SLC8A1: variants seen among roughly 807,000 people sequenced by gnomAD.
SLC8A1 encodes solute carrier family 8 member A1.
SLC8A1 carries 18 observed loss-of-function variants against 68.3 expected under a neutral mutation model. The observed-to-expected ratio is 0.26, with a 90% CI of 0.18 to 0.39. SLC8A1 has a LOEUF of 0.39. Among genes scored for constraint, SLC8A1 ranks in the 10% least tolerant of loss-of-function variants. The pLI is 1.00. For synonymous variants in SLC8A1, 475 were observed against 415.5 expected, an observed-to-expected ratio of 1.14 and a Z score of -1.74; for missense variants, 985 against 1,156.7, an observed-to-expected ratio of 0.85 and a Z score of 2.15.
At chr2:40,181,905 T>C (rs369553000) in intron 2 of SLC8A1, among the ~76,000 whole-genome samples, 79 of 152,348 alleles carry the variant, frequency 5.2e-4, no homozygotes, top group African/African-American at 1.7e-3. Flanking sequence ...CAGGGGATAG[T>C]ATGGGGTTGG....
chr2:40,245,578 A>G (rs966086138), intron 2 of SLC8A1, among the ~76,000 whole-genome samples: 1 of 152,178 alleles, frequency 6.6e-6, no homozygotes, highest in African/African-American at 2.4e-5. Context: ...AATAACTAGT[A>G]ATATACAAGA....
upstream of SLC8A1, chr2:40,453,346 G>A (rs1327458915): frequency 6.6e-6 from 1 of 152,226 alleles, no homozygotes; most frequent in Non-Finnish European, 1.5e-5. Flanking sequence ...GGAGAAGGAG[G>A]GACCTGCAGA....
chr2:40,192,485 C>G (rs1353387596), intron 2 of SLC8A1, among the ~76,000 whole-genome samples: 1 of 151,976 alleles, frequency 6.6e-6, no homozygotes, highest in African/African-American at 2.4e-5. Flanking sequence ...TGAATTTTAA[C>G]ATTTATATTA....
chr2:40,280,235 C>T (rs1382316960), intron 2 of SLC8A1, among the ~76,000 whole-genome samples: 4 of 97,290 alleles, frequency 4.1e-5, no homozygotes, highest in Admixed American at 1.3e-4. Context: ...ATGATAAAAC[C>T]TGAGGAAATA....
chr2:40,156,360 G>GTTT (rs71404280), intron 6 of SLC8A1, among the ~76,000 whole-genome samples: 1 of 140,772 alleles, frequency 7.1e-6, no homozygotes, highest in Non-Finnish European at 1.5e-5. Flanking sequence ...AACTGCTGGA[G>GTTT]TTTTTTTTTT....
At chr2:40,282,261 A>C (rs1394636369) in intron 2 of SLC8A1, among the ~76,000 whole-genome samples, 6 of 152,314 alleles carry the variant, frequency 3.9e-5, no homozygotes, top group Admixed American at 2.0e-4. Flanking sequence ...AGTAATAAGG[A>C]GTAATTTCTG....
chr2:40,290,085 A>C (rs2069020952), intron 2 of SLC8A1, among the ~76,000 whole-genome samples: 1 of 151,972 alleles, frequency 6.6e-6, no homozygotes, highest in Non-Finnish European at 1.5e-5. Context: ...GAAAGGAAGG[A>C]GGAGGAGTTT....
At chr2:40,445,972 T>C (rs1701367745) in intron 1 of SLC8A1, among the ~76,000 whole-genome samples, 1 of 152,154 alleles carries the variant, frequency 6.6e-6, no homozygotes, top group Non-Finnish European at 1.5e-5. Flanking sequence ...CTCAACCTGC[T>C]ACCAGGATGG....
At chr2:40,342,570 G>A (rs1192258348) in intron 2 of SLC8A1, among the ~76,000 whole-genome samples, 3 of 152,106 alleles carry the variant, frequency 2.0e-5, no homozygotes, top group African/African-American at 7.2e-5. Flanking sequence ...AATTAACAGT[G>A]TTAAAATTTG....
At chr2:40,214,393 G>A (rs150168850) in intron 2 of SLC8A1, among the ~76,000 whole-genome samples, 8 of 150,750 alleles carry the variant, frequency 5.3e-5, no homozygotes, top group East Asian at 1.9e-4. Flanking sequence ...TCCAGGCCCC[G>A]TGTTCAGAAG....
At chr2:40,205,202 T>A (rs1378747100) in intron 2 of SLC8A1, among the ~76,000 whole-genome samples, 1 of 152,000 alleles carries the variant, frequency 6.6e-6, no homozygotes, top group African/African-American at 2.4e-5. Context: ...CCATAAGGTA[T>A]ACCTATTTGA....
intron 1 of SLC8A1, among the ~76,000 whole-genome samples, chr2:40,440,967 C>T (rs373251643): frequency 4.4e-4 from 67 of 152,094 alleles, no homozygotes; most frequent in African/African-American, 1.6e-3. Context: ...GGTGTTCAAA[C>T]AGGAAAAGAG....
chr2:40,480,493 T>G (rs545003961), intron 1 of SLC8A1, among the ~76,000 whole-genome samples: 28 of 152,292 alleles, frequency 1.8e-4, no homozygotes, highest in Admixed American at 9.2e-4. Flanking sequence ...TTTGCTGGCA[T>G]TTTGATATTG....
intron 2 of SLC8A1, among the ~76,000 whole-genome samples, chr2:40,278,871 TA>T (rs1457328512): frequency 6.6e-6 from 1 of 151,928 alleles, no homozygotes. Context: ...AGGTTTTTTT[TA>T]AATTATTATT....
chr2:40,258,526 T>A (rs2064249705), intron 2 of SLC8A1, among the ~76,000 whole-genome samples: 1 of 132,650 alleles, frequency 7.5e-6, no homozygotes, highest in African/African-American at 2.8e-5. Context: ...TGTAAGGGCT[T>A]TGATCTTGTT....
chr2:40,274,954 C>A (rs1260621295), intron 2 of SLC8A1, among the ~76,000 whole-genome samples: 1 of 152,100 alleles, frequency 6.6e-6, no homozygotes, highest in Non-Finnish European at 1.5e-5. Flanking sequence ...CACAGACTGC[C>A]CATTTCCTAC....
intron 2 of SLC8A1, among the ~76,000 whole-genome samples, chr2:40,247,668 T>G (rs1176500851): frequency 6.6e-6 from 1 of 152,236 alleles, no homozygotes; most frequent in East Asian, 1.9e-4. Context: ...AATTTTTTGT[T>G]AATACATTAA....
intron 1 of SLC8A1, among the ~76,000 whole-genome samples, chr2:40,462,001 C>CTTTTTTTTTTTTTTTGTTTTTTTTTTTT (rs1703369701): frequency 1.5e-5 from 1 of 66,176 alleles, no homozygotes; most frequent in Non-Finnish European, 2.9e-5. Context: ...TAAAATCCTC[C>CTTTTTTTTTTTTTTTGTTTTTTTTTTTT]TTTTTTTTTT....
chr2:40,504,250 T>A (rs1021718703), intron 1 of SLC8A1, among the ~76,000 whole-genome samples: 9 of 151,906 alleles, frequency 5.9e-5, no homozygotes, highest in African/African-American at 1.9e-4. Flanking sequence ...AAACTGAATA[T>A]CCATATGTAG....
Sources: allele counts gnomAD v4.1 joint callset (sites outside exome capture counted in the v4.1 genomes callset), GRCh38; gene constraint gnomAD v4.1.1; transcripts MANE v1.5; gene names NCBI Gene and HGNC (gene_info 2026-07-23, HGNC 2026-07-21).